Variants in EPHA7 observed in about 807,000 individuals in gnomAD.
EPHA7 encodes the protein ephrin type-A receptor 7.
EPHA7 carries 25 observed loss-of-function variants against 112.6 expected under a neutral mutation model. That is an observed-to-expected ratio of 0.22 (90% CI 0.16 to 0.31). The LOEUF (loss-of-function observed/expected upper bound fraction) is 0.31, where lower values mean the gene tolerates loss of function less well. Among genes scored for constraint, EPHA7 ranks in the 10% least tolerant of loss-of-function variants. The probability of loss-of-function intolerance (pLI) is 1.00; values close to 1 mark genes in which losing one functional copy is unlikely to be tolerated. For synonymous variants in EPHA7, 437 were observed against 406.5 expected (o/e 1.07, Z -0.90); for missense variants, 962 against 1,212.6 (o/e 0.79, Z 3.07).
At chr6:93,413,762 C>A in intron 2 of EPHA7, among the ~76,000 whole-genome samples, 1 of 151,860 alleles carries the variant, frequency 6.6e-6, no homozygotes. Flanking sequence ...ATTTTACATT[C>A]TTAAACTTTC....
Position 93,410,359 on chromosome 6 carries a change from A to T in EPHA7, c.832+142T>A. 1 of 709,306 alleles carries T rather than the reference A, an allele frequency of 1.4e-6. No homozygotes were observed. Among genetic ancestry groups the T allele is most frequent in the Non-Finnish European group, 2.3e-6 (1 of 427,336 alleles). The allele number at this position is 709,306 out of a possible 1,614,324, so 43.9% of individuals were successfully genotyped here. A position where few individuals can be genotyped will look rare whatever the true frequency, so the allele number is the denominator to read the frequency against. ...TACTGTAGGGCAATCACTAAGTTCA[A>T]CGGTGACTTTGTTTAAGATCTACTG... On this transcript the variant is annotated intron_variant, in intron 3 of 16. Transcript: ENST00000369303. This position sits in a 1 kb window ranked among gnomAD's most constrained non-coding sequence, Gnocchi z 4.0.
intron 5 of EPHA7, among the ~76,000 whole-genome samples, chr6:93,327,226 A>C (rs1339833736): frequency 2.0e-5 from 3 of 151,538 alleles, no homozygotes; most frequent in African/African-American, 7.3e-5. Context: ...TTTGGGACAG[A>C]TCATTGCCTC....
intron 5 of EPHA7, among the ~76,000 whole-genome samples, chr6:93,342,127 C>T (rs947210992): frequency 6.6e-6 from 1 of 151,750 alleles, no homozygotes; most frequent in Non-Finnish European, 1.5e-5. Flanking sequence ...TTAAAGTGCA[C>T]CTTCCATGAA....
rs60882775 is a variant in EPHA7 at position 93,405,813 on chromosome 6, GTATATATATATATA to G, written c.832+4674_832+4687del. 3.6e-3 allele frequency among the ~76,000 whole-genome samples: 270 copies of G among 73,978 alleles called. 4 individuals carry two copies. Among genetic ancestry groups the G allele is most frequent in the African/African-American group, 0.013 (248 of 19,400 alleles). The allele number at this position is 73,978 out of a possible 152,430, so 48.5% of individuals were successfully genotyped here. A position where few individuals can be genotyped will look rare whatever the true frequency, so the allele number is the denominator to read the frequency against. ...TGTGTGTGTGTGTGTGTGTGTGTGT[GTATATATATATATA>G]TATATATATATATATATATATATAA... On this transcript the variant is annotated intron_variant, in intron 3 of 16. Transcript: ENST00000369303.
At chr6:93,374,908 T>C (rs1248507246) in intron 3 of EPHA7, among the ~76,000 whole-genome samples, 3 of 152,204 alleles carry the variant, frequency 2.0e-5, no homozygotes, top group Non-Finnish European at 2.9e-5. Flanking sequence ...TATTATAACA[T>C]AGTGAAGAAT....
rs568329191 is a variant in EPHA7, at chr6:93,343,039, C to T, written c.1324+13678G>A. 5.1e-4 allele frequency among the ~76,000 whole-genome samples: 78 copies of T among 151,748 alleles called. 1 individual carries two copies. The South Asian group carries it at 0.016, about 31-fold the overall frequency. ...ATAACCTAAGCATAAAAGTTGAACA[C>T]TTTTTGTTCTTTGGAAAACTTTGAA... is the stretch of plus-strand genomic sequence containing the variant. On this transcript the variant is annotated intron_variant, in intron 5 of 16. Coordinates refer to ENST00000369303, the MANE Select transcript of EPHA7 (RefSeq NM_004440.4).
Position 93,315,901 on chromosome 6 carries a change from TG to T in EPHA7, c.1324+40815del, listed in dbSNP as rs1386349484. ...TTATGTTCTATTTTAAGAACCTAGTTGTAGGACTAGACCCCCTGGAATATGC... is the reference window on the plus strand; with the variant it reads ...TTATGTTCTATTTTAAGAACCTAGTTTAGGACTAGACCCCCTGGAATATGC... On this transcript the variant is annotated intron_variant, in intron 5 of 16. Coordinates refer to ENST00000369303, the MANE Select transcript of EPHA7 (RefSeq NM_004440.4). Among the ~76,000 whole-genome samples, 3 of 152,190 alleles carry T rather than the reference TG, an allele frequency of 2.0e-5. No individual in the cohort carries two copies. In the East Asian group the frequency reaches 5.8e-4, roughly 29 times the overall value.
At chr6:93,268,779 T>G (rs1771070725) in intron 7 of EPHA7, among the ~76,000 whole-genome samples, 1 of 151,744 alleles carries the variant, frequency 6.6e-6, no homozygotes, top group Admixed American at 6.6e-5. Context: ...ATTTTTACTA[T>G]AATCTTGTTG....
At chr6:93,270,840 G>A (rs776050934) in intron 6 of EPHA7, among the ~76,000 whole-genome samples, 10 of 151,672 alleles carry the variant, frequency 6.6e-5, no homozygotes, top group South Asian at 2.1e-4. Context: ...TCACGCATGC[G>A]TGCATATACA....
At chr6:93,395,838 C>A (rs1313032754) in intron 3 of EPHA7, among the ~76,000 whole-genome samples, 2 of 151,876 alleles carry the variant, frequency 1.3e-5, no homozygotes, top group Non-Finnish European at 2.9e-5. Flanking sequence ...GCTGACCCTT[C>A]TCCTCTGAAA....
chr6:93,273,231 C>T (rs905509708), intron 5 of EPHA7, among the ~76,000 whole-genome samples: 2 of 151,874 alleles, frequency 1.3e-5, no homozygotes, highest in Non-Finnish European at 2.9e-5. Context: ...CTAATTTGCT[C>T]GTCTAATTTG....
intron 5 of EPHA7, among the ~76,000 whole-genome samples, chr6:93,308,319 G>C (rs999021165): frequency 6.6e-6 from 1 of 152,020 alleles, no homozygotes; most frequent in African/African-American, 2.4e-5. Context: ...GGCTACTGTA[G>C]AATAGATTAC....
At chr6:93,325,835 A>T (rs191983747) in intron 5 of EPHA7, among the ~76,000 whole-genome samples, 13 of 151,544 alleles carry the variant, frequency 8.6e-5, no homozygotes, top group African/African-American at 2.9e-4. Flanking sequence ...TCAATAAAGA[A>T]AACTTGCTTA....
intron 5 of EPHA7, among the ~76,000 whole-genome samples, chr6:93,354,140 T>A (rs1211174532): frequency 6.6e-6 from 1 of 152,126 alleles, no homozygotes; most frequent in Non-Finnish European, 1.5e-5. Context: ...TTGGAAATGA[T>A]GCTATTTGTT....
chr6:93,370,310 TA>T (rs1776725331), intron 3 of EPHA7, among the ~76,000 whole-genome samples: 6 of 152,106 alleles, frequency 3.9e-5, no homozygotes, highest in Non-Finnish European at 8.8e-5. Flanking sequence ...TTTAAGAAAC[TA>T]TCTCTCTTTA....
chr6:93,325,124 AT>A (rs2127891451), intron 5 of EPHA7, among the ~76,000 whole-genome samples: 1 of 151,432 alleles, frequency 6.6e-6, no homozygotes, highest in East Asian at 1.9e-4. Context: ...CTGAAGAAAT[AT>A]TTAGAATTGC....
chr6:93,379,450 T>C (rs1032415563), intron 3 of EPHA7, among the ~76,000 whole-genome samples: 1 of 152,104 alleles, frequency 6.6e-6, no homozygotes, highest in East Asian at 1.9e-4. Flanking sequence ...ATAATAACTT[T>C]TTTTAGGGAA....
chr6:93,384,941 C>T (rs1013557922), intron 3 of EPHA7, among the ~76,000 whole-genome samples: 1 of 152,004 alleles, frequency 6.6e-6, no homozygotes, highest in African/African-American at 2.4e-5. Context: ...AACAGACCAT[C>T]AAAAACTAGT....
intron 3 of EPHA7, among the ~76,000 whole-genome samples, chr6:93,359,866 G>GATAGAT (rs766436990): frequency 5.7e-4 from 70 of 123,068 alleles, no homozygotes; most frequent in African/African-American, 8.1e-4. Flanking sequence ...GAGAGAGAGA[G>GATAGAT]AGAGAGAGAG....
Sources: gnomAD v4.1 joint callset for allele counts (sites outside exome capture counted in the v4.1 genomes callset) on GRCh38, gnomAD v4.1.1 for gene constraint, Gnocchi (gnomAD v3.1) non-coding constraint, MANE v1.5 for transcripts, NCBI Gene and HGNC (gene_info 2026-07-23, HGNC 2026-07-21) for gene names.